Variants in MTCL2 observed in about 807,000 individuals in gnomAD.
MTCL2 encodes microtubule cross-linking factor 2.
At chr20:36,834,124 C>G in the MTCL2 span, among the ~76,000 whole-genome samples, 1 of 148,416 alleles carries the variant, frequency 6.7e-6, no homozygotes, top group East Asian at 2.0e-4. Flanking sequence ...GATCACGCTA[C>G]TGTACTCCAG....
the MTCL2 span, among the ~76,000 whole-genome samples, chr20:36,792,480 G>A: frequency 6.6e-6 from 1 of 151,974 alleles, no homozygotes; most frequent in Non-Finnish European, 1.5e-5. Context: ...ACTCAAGCCT[G>A]GGGGACAAGA....
chr20:36,783,621 C>T, the MTCL2 span: 1 of 238,310 alleles, frequency 4.2e-6, no homozygotes, highest in Non-Finnish European at 6.8e-6. Context: ...GGCAGAGAGG[C>T]AGGAGGAAGG....
the MTCL2 span, among the ~76,000 whole-genome samples, chr20:36,788,149 C>T: frequency 2.1e-5 from 3 of 144,700 alleles, no homozygotes; most frequent in Non-Finnish European, 3.0e-5. Context: ...TGCAGTGAGC[C>T]GAGATCACAT....
chr20:36,857,207 T>C, the MTCL2 span, among the ~76,000 whole-genome samples: 2 of 152,184 alleles, frequency 1.3e-5, no homozygotes, highest in Non-Finnish European at 2.9e-5. Flanking sequence ...TCTGAGTGTG[T>C]CTGCAGGATG....
the MTCL2 span, among the ~76,000 whole-genome samples, chr20:36,796,144 G>A: frequency 1.3e-5 from 2 of 152,228 alleles, no homozygotes; most frequent in Middle Eastern, 3.2e-3. Context: ...AAACTAAGAC[G>A]CCATGAAGCT....
chr20:36,815,926 C>G, the MTCL2 span: 3 of 1,612,228 alleles, frequency 1.9e-6, no homozygotes, highest in South Asian at 3.3e-5. This position sits in a 1 kb window ranked among gnomAD's most constrained non-coding sequence, Gnocchi z 5.3. Flanking sequence ...AAGCTCTCCC[C>G]GCACTCTCCG....
chr20:36,821,645 A>G, the MTCL2 span, among the ~76,000 whole-genome samples: 136,597 of 152,230 alleles, frequency 0.9, 61,807 homozygotes, highest in African/African-American at 0.98. Context: ...TTGAGCCCGC[A>G]AGGTGGAGGT....
the MTCL2 span, among the ~76,000 whole-genome samples, chr20:36,791,328 C>T: frequency 7.2e-5 from 11 of 152,138 alleles, no homozygotes; most frequent in East Asian, 9.6e-4. Context: ...CCACCGCGCC[C>T]GGCCACATTT....
chr20:36,862,517 A>T, the MTCL2 span: 2 of 720,902 alleles, frequency 2.8e-6, no homozygotes, highest in Non-Finnish European at 3.9e-6. Context: ...CCCCAGATCC[A>T]CCTCAGAGTG....
the MTCL2 span, among the ~76,000 whole-genome samples, chr20:36,833,020 A>G: frequency 6.6e-6 from 1 of 152,138 alleles, no homozygotes; most frequent in Non-Finnish European, 1.5e-5. Context: ...CGTGCTTTTC[A>G]TCCCGTTGGG....
the MTCL2 span, among the ~76,000 whole-genome samples, chr20:36,792,827 TATAG>T: frequency 6.8e-6 from 1 of 148,090 alleles, no homozygotes; most frequent in South Asian, 2.1e-4. Context: ...ATTTTATATA[TATAG>T]ATATATAGAT....
chr20:36,828,078 C>G, the MTCL2 span, among the ~76,000 whole-genome samples: 1 of 152,166 alleles, frequency 6.6e-6, no homozygotes, highest in African/African-American at 2.4e-5. Context: ...GGCTCGCCCT[C>G]GGGGGAGGAA....
chr20:36,819,885 T>C, the MTCL2 span, among the ~76,000 whole-genome samples: 1 of 152,156 alleles, frequency 6.6e-6, no homozygotes, highest in South Asian at 2.1e-4. Flanking sequence ...AGTGCTGACC[T>C]GGGAGCTTTC....
chr20:36,818,143 C>T, the MTCL2 span, among the ~76,000 whole-genome samples: 1 of 152,260 alleles, frequency 6.6e-6, no homozygotes. Flanking sequence ...AGCTCTGCCT[C>T]ACTCCCTGTG....
At chr20:36,812,849 AC>A in the MTCL2 span, 7 of 1,609,530 alleles carry the variant, frequency 4.3e-6, no homozygotes, top group African/African-American at 8.0e-5. Flanking sequence ...AGGTGGCTGC[AC>A]CCAGAGGCAC....
the MTCL2 span, among the ~76,000 whole-genome samples, chr20:36,826,317 CCCTCT>C: frequency 6.7e-5 from 1 of 14,868 alleles, no homozygotes; most frequent in African/African-American, 2.8e-4. Flanking sequence ...CTCCCCCTCC[CCCTCT>C]CCCTCCCCCT....
At chr20:36,791,514 G>A in the MTCL2 span, among the ~76,000 whole-genome samples, 3 of 152,170 alleles carry the variant, frequency 2.0e-5, no homozygotes, top group Non-Finnish European at 4.4e-5. Flanking sequence ...GTCTATCACA[G>A]CCCATTCCAC....
At chr20:36,815,746 T>A in the MTCL2 span, 1 of 1,591,870 alleles carries the variant, frequency 6.3e-7, no homozygotes, top group Non-Finnish European at 8.6e-7. The surrounding 1 kb of genome is among the most constrained non-coding windows in gnomAD (Gnocchi z 5.3). Flanking sequence ...GAAGGTTCGC[T>A]GAGCACAGAA....
the MTCL2 span, among the ~76,000 whole-genome samples, chr20:36,807,865 CTTTTTT>C: frequency 5.6e-5 from 3 of 53,510 alleles, no homozygotes; most frequent in African/African-American, 7.1e-5. Flanking sequence ...GAAACCCTGT[CTTTTTT>C]TTTTTTTTTT....
Sources: allele counts gnomAD v4.1 joint callset (sites outside exome capture counted in the v4.1 genomes callset), GRCh38; gene constraint gnomAD v4.1.1; non-coding constraint Gnocchi (gnomAD v3.1); transcripts MANE v1.5; gene names NCBI Gene and HGNC (gene_info 2026-07-23, HGNC 2026-07-21).